Variants in ZRANB3 observed in about 807,000 individuals in gnomAD.
ZRANB3 encodes zinc finger RANBP2-type containing 3.
A neutral mutation model predicts 133.8 loss-of-function variants in ZRANB3; 125 were observed. The ratio of observed to expected loss-of-function variants is 0.93; its 90% CI spans 0.81 to 1.08. The LOEUF is 1.08. Ranked by LOEUF, ZRANB3 falls within the 50% of genes least tolerant of loss-of-function variation. ZRANB3 has a pLI of 0.00. For missense variants in ZRANB3, 1,229 were observed against 1,275.5 expected (o/e 0.96, Z 0.56); for synonymous variants, 387 against 432.7 (o/e 0.89, Z 1.31).
In ZRANB3 at chr2:135,376,542, C is replaced by T. The variant is rs146239104; in HGVS notation, c.180+14260G>A. ...AAGGCTATCAAGCTACAAAAAGACA[C>T]GGATGAATTTTAAATGCATATTGCT... On this transcript the variant is annotated intron_variant, in intron 3 of 20. Coordinates refer to ENST00000264159, the MANE Select transcript of ZRANB3 (RefSeq NM_032143.4). Among the ~76,000 whole-genome samples the T allele has an allele frequency of 2.5e-3, 375 of 152,254 alleles. 3 individuals are homozygous for T. Among genetic ancestry groups the T allele is most frequent in the African/African-American group, 8.3e-3 (345 of 41,560 alleles).
chr2:135,358,522 T>C (rs115718764), intron 3 of ZRANB3, among the ~76,000 whole-genome samples: 1,542 of 152,272 alleles, frequency 0.01, 25 homozygotes, highest in African/African-American at 0.035. Flanking sequence ...ATTCTGAACA[T>C]TTTCTTCCTG....
intron 19 of ZRANB3, among the ~76,000 whole-genome samples, chr2:135,203,470 T>C (rs2105033200): frequency 6.6e-6 from 1 of 151,872 alleles, no homozygotes; most frequent in East Asian, 1.9e-4. Flanking sequence ...ATACAAAAAA[T>C]TAGCCAGGCA....
chr2:135,319,191 G>T (rs1683401075), intron 6 of ZRANB3, among the ~76,000 whole-genome samples: 1 of 151,978 alleles, frequency 6.6e-6, no homozygotes, highest in African/African-American at 2.4e-5. Context: ...AATAAAAAGT[G>T]AAGTACAAAT....
intron 3 of ZRANB3, among the ~76,000 whole-genome samples, chr2:135,375,802 G>C (rs937361529): frequency 6.6e-6 from 1 of 151,526 alleles, no homozygotes; most frequent in Non-Finnish European, 1.5e-5. Flanking sequence ...GTTGTGGTCA[G>C]CCAAGATTAT....
chr2:135,271,995 G>C, intron 9 of ZRANB3, 108 bp from the exon 10 acceptor site: 1 of 1,217,790 alleles, frequency 8.2e-7, no homozygotes, highest in Non-Finnish European at 1.1e-6. Flanking sequence ...AATGGAACTT[G>C]GTTAAGGTGA....
chr2:135,453,992 T>C lies in ZRANB3; in HGVS notation c.161+50337A>G, dbSNP rs146503955. 9.2e-5 allele frequency among the ~76,000 whole-genome samples: 14 copies of C among 152,336 alleles called. No homozygotes were observed. The East Asian group carries it at 2.7e-3, about 29-fold the overall frequency. ...GTTTAATTGGACTTACGGTTCCACA[T>C]GACTGGGGAGGCCTCAGAATTATGA... On this transcript the variant is annotated intron_variant, in intron 2 of 20. Coordinates refer to ENST00000264159, the MANE Select transcript of ZRANB3 (RefSeq NM_032143.4).
At chr2:135,481,006 G>C (rs1200207754) in intron 2 of ZRANB3, among the ~76,000 whole-genome samples, 1 of 151,514 alleles carries the variant, frequency 6.6e-6, no homozygotes, top group African/African-American at 2.4e-5. Flanking sequence ...TCTTAATCCA[G>C]TCTATCATTG....
chr2:135,397,539 T>C (rs1687547962), intron 2 of ZRANB3, among the ~76,000 whole-genome samples: 1 of 152,174 alleles, frequency 6.6e-6, no homozygotes, highest in African/African-American at 2.4e-5. Context: ...GGAAGATTTC[T>C]ATTATAGTTA....
intron 2 of ZRANB3, among the ~76,000 whole-genome samples, chr2:135,487,988 C>G (rs1043964833): frequency 2.6e-5 from 4 of 152,184 alleles, no homozygotes; most frequent in Non-Finnish European, 4.4e-5. Context: ...CCTCACTAAG[C>G]ATGATCATTT....
chr2:135,446,760 G>T (rs928550217), intron 2 of ZRANB3, among the ~76,000 whole-genome samples: 1 of 152,166 alleles, frequency 6.6e-6, no homozygotes, highest in Non-Finnish European at 1.5e-5. Context: ...ACTGTGCAAA[G>T]GTGTAGCGTT....
chr2:135,446,346 T>A (rs1238427539), intron 2 of ZRANB3, among the ~76,000 whole-genome samples: 1 of 152,172 alleles, frequency 6.6e-6, no homozygotes, highest in East Asian at 1.9e-4. Flanking sequence ...ATACTTCTTG[T>A]CTGATAGCTT....
intron 8 of ZRANB3, among the ~76,000 whole-genome samples, chr2:135,290,987 C>G (rs1452308050): frequency 6.6e-6 from 1 of 152,172 alleles, no homozygotes; most frequent in Non-Finnish European, 1.5e-5. Flanking sequence ...ACTGCAACCT[C>G]TGCCTCCCAG....
At chr2:135,381,372 C>A (rs933156492) in intron 3 of ZRANB3, among the ~76,000 whole-genome samples, 4 of 152,208 alleles carry the variant, frequency 2.6e-5, no homozygotes, top group African/African-American at 9.7e-5. Flanking sequence ...CAGGGCGGAG[C>A]CCACGGCAGT....
At position 135,504,422 on chromosome 2, in the gene ZRANB3, T is replaced by A. The variant is rs1693084545; in HGVS notation, c.68A>T (p.Asp23Val). The change falls in exon 2 of 21, where the codon GAT (aspartate) becomes GTT (valine). Residue 23 changes from aspartate to valine, a missense_variant. Physicochemically the swap from Asp to Val is radical, Grantham distance 152. Coordinates refer to ENST00000264159, the MANE Select transcript of ZRANB3 (RefSeq NM_032143.4). ...GTCAGGCAAAAAATCCAGCAGATTA[T>A]CAGATTCATTTGTCACACAAGAAAT... is the stretch of plus-strand genomic sequence containing the variant. ...PHISCVTNES[D>V]NLLDFLPDRL... 1 of 1,613,598 alleles carries A rather than the reference T, an allele frequency of 6.2e-7. No homozygotes were observed. The highest frequency in any genetic ancestry group is 1.3e-5 in the African/African-American group (1 of 74,906).
intron 2 of ZRANB3, among the ~76,000 whole-genome samples, chr2:135,486,760 C>T (rs186358325): frequency 7.3e-4 from 111 of 152,256 alleles, no homozygotes; most frequent in Middle Eastern, 3.4e-3. Flanking sequence ...GTGATCCACC[C>T]GCTTGGCCTC....
chr2:135,320,126 G>A (rs1007051715), intron 6 of ZRANB3, among the ~76,000 whole-genome samples: 10 of 152,002 alleles, frequency 6.6e-5, no homozygotes, highest in African/African-American at 1.2e-4. Flanking sequence ...CTGCAGCCTC[G>A]ATCTCCTGGG....
Position 135,213,836 on chromosome 2 carries a change from G to C in ZRANB3, c.2495+3629C>G, listed in dbSNP as rs544859883. The stretch of plus-strand genomic sequence containing the variant: ...TAGATTACTAATCAGCTCACTTTAA[G>C]ATAGGGAGATTACTGAGTGGGCCCA... On this transcript the variant is annotated intron_variant, in intron 17 of 20. Coordinates refer to ENST00000264159, the MANE Select transcript of ZRANB3 (RefSeq NM_032143.4). 2.2e-4 allele frequency among the ~76,000 whole-genome samples: 33 copies of C among 152,254 alleles called. No individual in the cohort carries two copies. In the South Asian group the frequency reaches 6.9e-3, roughly 32 times the overall value.
chr2:135,219,765 A>G (rs1432777001), intron 15 of ZRANB3, among the ~76,000 whole-genome samples: 1 of 152,228 alleles, frequency 6.6e-6, no homozygotes, highest in Non-Finnish European at 1.5e-5. Flanking sequence ...CCCCAAAGCA[A>G]TGTCACAGTA....
intron 3 of ZRANB3, 92 bp downstream of exon 3, chr2:135,390,710 G>T: frequency 7.0e-7 from 1 of 1,433,802 alleles, no homozygotes; most frequent in Non-Finnish European, 9.4e-7. Flanking sequence ...CAGACATATA[G>T]TCATATGGAG....
Sources: allele counts gnomAD v4.1 joint callset (sites outside exome capture counted in the v4.1 genomes callset), GRCh38; gene constraint gnomAD v4.1.1; transcripts MANE v1.5; gene names NCBI Gene and HGNC (gene_info 2026-07-23, HGNC 2026-07-21).